Variants in SPTBN4 observed in about 807,000 individuals in gnomAD.
The protein encoded by SPTBN4 is spectrin beta, non-erythrocytic 4, also known as spectrin beta chain, non-erythrocytic 4.
In SPTBN4, 96 loss-of-function variants were observed where a neutral mutation model predicts 277.8. The observed-to-expected ratio is 0.35, with a 90% CI of 0.29 to 0.41. SPTBN4 has a LOEUF of 0.41. SPTBN4 is among the 10% of genes least tolerant of loss of function. The pLI is 1.00. For synonymous variants in SPTBN4, 1,481 were observed against 1,580.3 expected (o/e 0.94, Z 1.49); for missense variants, 3,006 against 3,595.7 (o/e 0.84, Z 4.19).
intron 20 of SPTBN4, among the ~76,000 whole-genome samples, chr19:40,540,641 G>A (rs12974267): frequency 0.27 from 41,324 of 151,338 alleles, 6,200 homozygotes; most frequent in Non-Finnish European, 0.35. Flanking sequence ...GATCGCTTGA[G>A]CCCAGGTGTT....
intron 32 of SPTBN4, among the ~76,000 whole-genome samples, chr19:40,570,003 GACAC>G (rs1275565251): frequency 4.1e-5 from 5 of 121,334 alleles, no homozygotes; most frequent in Non-Finnish European, 9.1e-5. Flanking sequence ...CACACACACA[GACAC>G]ACAGACACAG....
rs1438499588 is a variant in SPTBN4, at chr19:40,472,661, C to A, written c.40C>A (p.Leu14Met). ...AGGGGAAGTGGACAACATGGAGGGC[C>A]TGCCTGCTCCTAACAACAACCCTGC... ...VPGEVDNMEGLPAPNNNPAAR... is the reference protein window; with the variant it reads ...VPGEVDNMEGMPAPNNNPAAR... Residue 14 changes from leucine to methionine, a missense_variant, in exon 2 of 36, where the codon CTG becomes ATG. By Grantham distance (15) the Leu-to-Met change is conservative (BLOSUM62 2). Coordinates refer to ENST00000598249, the MANE Select transcript of SPTBN4 (RefSeq NM_020971.3). 17 of 1,613,776 alleles carry A rather than the reference C, an allele frequency of 1.1e-5. No homozygotes were observed. Among genetic ancestry groups the A allele is most frequent in the Non-Finnish European group, 1.4e-5 (16 of 1,179,960 alleles).
rs764890531 is a variant in SPTBN4, at chr19:40,569,644, C to G, written c.6957-13C>G. ...CCTGGTTTCACTGGGTCTTTCTGTC[C>G]CCCATCCCCCAGGAAGGCCACCCTG... is the stretch of plus-strand genomic sequence containing the variant. On this transcript the variant is annotated splice_polypyrimidine_tract_variant and intron_variant, in intron 31 of 35. Coordinates refer to ENST00000598249, the MANE Select transcript of SPTBN4 (RefSeq NM_020971.3). The G allele has an allele frequency of 6.2e-7, 1 of 1,612,042 alleles. No individual in the cohort carries two copies.
intron 19 of SPTBN4, among the ~76,000 whole-genome samples, chr19:40,533,710 G>A (rs1485975741): frequency 6.6e-6 from 1 of 151,130 alleles, no homozygotes; most frequent in Admixed American, 6.6e-5. Context: ...TCTTTCTTAC[G>A]GTCCTCTCCC....
chr19:40,471,755 A>T (rs374204203), intron 1 of SPTBN4, among the ~76,000 whole-genome samples: 18 of 151,964 alleles, frequency 1.2e-4, no homozygotes, highest in African/African-American at 4.3e-4. Flanking sequence ...AAATTTTTTT[A>T]AAAGACAGTT....
chr19:40,479,126 C>A (rs2145809411), intron 2 of SPTBN4, among the ~76,000 whole-genome samples: 1 of 152,206 alleles, frequency 6.6e-6, no homozygotes, highest in South Asian at 2.1e-4. Flanking sequence ...GAGGCAGAGT[C>A]TCACTCTGTC....
chr19:40,524,521 A>T, intron 17 of SPTBN4: 1 of 449,650 alleles, frequency 2.2e-6, no homozygotes, highest in Non-Finnish European at 4.5e-6. Flanking sequence ...CCAAAAAAAA[A>T]ATGTGTTAAC....
chr19:40,471,854 T>A (rs1268477803), intron 1 of SPTBN4, among the ~76,000 whole-genome samples: 2 of 150,000 alleles, frequency 1.3e-5, no homozygotes, highest in African/African-American at 4.9e-5. Flanking sequence ...TCCTCACACC[T>A]CAGCCTCCTG....
At chr19:40,524,224 G>A (rs866682771) in intron 17 of SPTBN4, among the ~76,000 whole-genome samples, 22 of 152,072 alleles carry the variant, frequency 1.4e-4, no homozygotes, top group African/African-American at 5.1e-4. Flanking sequence ...AAAATGTTAG[G>A]CTGGGTGCAG....
Position 40,502,613 on chromosome 19 carries a change from T to A in SPTBN4, c.1203+106T>A. The stretch of plus-strand genomic sequence containing the variant: ...CATTGTAGACATGATGGATTAGATA[T>A]TCATTCTGACAGTTTTTCAGTAGTA... On this transcript the variant is annotated intron_variant, in intron 10 of 35. Transcript: ENST00000598249. The surrounding 1 kb of genome is among the most constrained non-coding windows in gnomAD (Gnocchi z 4.9). 6.9e-7 allele frequency: 1 copy of A among 1,440,034 alleles called. No homozygotes were observed. Among genetic ancestry groups the A allele is most frequent in the Non-Finnish European group, 9.4e-7 (1 of 1,064,978 alleles). The allele number at this position is 1,440,034 out of a possible 1,614,324, so 89.2% of individuals were successfully genotyped here. A position where few individuals can be genotyped will look rare whatever the true frequency, so the allele number is the denominator to read the frequency against.
chr19:40,502,356 T>C lies in SPTBN4; in HGVS notation c.1086-34T>C, dbSNP rs1158279464. 1 of 1,609,218 alleles carries C rather than the reference T, an allele frequency of 6.2e-7. No individual in the cohort carries two copies. Among genetic ancestry groups the C allele is most frequent in the Admixed American group, 1.7e-5 (1 of 59,930 alleles). ...GGAGGGAGGGTGGGCAGGGGTGGCATGACGGCAGGGCTCCTGAGCTCATGC... is the reference window on the plus strand; with the variant it reads ...GGAGGGAGGGTGGGCAGGGGTGGCACGACGGCAGGGCTCCTGAGCTCATGC... On this transcript the variant is annotated intron_variant, in intron 9 of 35. Coordinates refer to ENST00000598249, the MANE Select transcript of SPTBN4 (RefSeq NM_020971.3). This position sits in a 1 kb window ranked among gnomAD's most constrained non-coding sequence, Gnocchi z 4.9.
intron 20 of SPTBN4, among the ~76,000 whole-genome samples, chr19:40,538,215 C>G (rs1223805524): frequency 6.6e-6 from 1 of 151,960 alleles, no homozygotes; most frequent in African/African-American, 2.4e-5. Flanking sequence ...ATGGCAAAAC[C>G]CCGTCTCTAC....
chr19:40,562,334 A>T (rs2081050628), intron 27 of SPTBN4, among the ~76,000 whole-genome samples: 1 of 152,064 alleles, frequency 6.6e-6, no homozygotes, highest in East Asian at 1.9e-4. Context: ...CTTTGAGACC[A>T]GCTTGGCCAA....
chr19:40,479,675 CAT>C (rs34118043), intron 2 of SPTBN4, among the ~76,000 whole-genome samples: 17,345 of 126,558 alleles, frequency 0.14, 1,197 homozygotes, highest in African/African-American at 0.19. Flanking sequence ...AATGAGTAAG[CAT>C]ATATATATAT....
In SPTBN4 at chr19:40,550,256, C is replaced by T. The variant is rs755546526; in HGVS notation, c.4603C>T (p.Leu1535=). The T allele has an allele frequency of 9.3e-6, 15 of 1,613,586 alleles. No individual in the cohort carries two copies. In the South Asian group the frequency reaches 1.6e-4, roughly 18 times the overall value. The part of the protein sequence containing the change: ...DDELAWVQER[L]PLAMQTERGN... ...TCTCCAGGCATGGGTTCAGGAGCGGCTGCCACTGGCCATGCAGACAGAGCG... is the reference window on the plus strand; with the variant it reads ...TCTCCAGGCATGGGTTCAGGAGCGGTTGCCACTGGCCATGCAGACAGAGCG... Residue 1535 remains leucine, a synonymous_variant, in exon 22 of 36, where the codon CTG becomes TTG. Transcript: ENST00000598249.
intron 30 of SPTBN4, chr19:40,566,978 A>T: frequency 3.3e-6 from 1 of 303,732 alleles, no homozygotes; most frequent in African/African-American, 2.2e-5. Context: ...AACAATAAAA[A>T]AAAAACAACA....
intron 19 of SPTBN4, 34 bp downstream of exon 19, chr19:40,532,805 G>A: frequency 6.3e-7 from 1 of 1,581,122 alleles, no homozygotes; most frequent in Non-Finnish European, 8.6e-7. Flanking sequence ...GCCTGTGCCA[G>A]GTGCAGGAGG....
At chr19:40,528,453 C>T (rs1186871566) in intron 17 of SPTBN4, among the ~76,000 whole-genome samples, 1 of 152,226 alleles carries the variant, frequency 6.6e-6, no homozygotes, top group Non-Finnish European at 1.5e-5. Flanking sequence ...CTCTCTCCAA[C>T]TCTGCGGCCC....
At chr19:40,505,699 G>GAA (rs1385118028) in intron 12 of SPTBN4, among the ~76,000 whole-genome samples, 6 of 130,968 alleles carry the variant, frequency 4.6e-5, no homozygotes, top group East Asian at 4.3e-4. Context: ...AGAATGAAAG[G>GAA]GAGGAAGGAA....
Sources: allele counts gnomAD v4.1 joint callset (sites outside exome capture counted in the v4.1 genomes callset), GRCh38; gene constraint gnomAD v4.1.1; non-coding constraint Gnocchi (gnomAD v3.1); transcripts MANE v1.5; gene names NCBI Gene and HGNC (gene_info 2026-07-23, HGNC 2026-07-21).